Variants in RIMS2 observed in about 807,000 individuals in gnomAD.
RIMS2 encodes regulating synaptic membrane exocytosis protein 2.
RIMS2 carries 59 observed loss-of-function variants against 174.4 expected under a neutral mutation model. That is an observed-to-expected ratio of 0.34 (90% CI 0.27 to 0.42). The LOEUF (loss-of-function observed/expected upper bound fraction) is 0.42, where lower values mean the gene tolerates loss of function less well. Among genes scored for constraint, RIMS2 ranks in the 10% least tolerant of loss-of-function variants. RIMS2 has a pLI of 1.00. For synonymous variants in RIMS2, 606 were observed against 572.5 expected, an observed-to-expected ratio of 1.06 and a Z score of -0.84; for missense variants, 1,620 against 1,666.3, an observed-to-expected ratio of 0.97 and a Z score of 0.48.
chr8:104,119,698 A>G (rs931401876), intron 19 of RIMS2, among the ~76,000 whole-genome samples: 3 of 152,172 alleles, frequency 2.0e-5, no homozygotes, highest in African/African-American at 4.8e-5. Context: ...TGTATTGTCA[A>G]CTTCTACCCA....
chr8:103,740,936 A>AT lies in RIMS2; in HGVS notation c.388-25285dup, dbSNP rs753605160. On this transcript the variant is annotated intron_variant, in intron 2 of 23. Transcript: ENST00000504942. The stretch of plus-strand genomic sequence containing the variant: ...ACAGCAGTTTATCCACATGTAATAT[A>AT]TTTTTTGCTAGAATTTTTAAAAAGA... Among the ~76,000 whole-genome samples, 45 of 152,132 alleles carry AT rather than the reference A, an allele frequency of 3.0e-4. No individual in the cohort carries two copies. The East Asian group carries it at 3.9e-3, about 13-fold the overall frequency.
chr8:103,619,079 C>A, intron 1 of RIMS2, among the ~76,000 whole-genome samples: 1 of 136,676 alleles, frequency 7.3e-6, no homozygotes, highest in Non-Finnish European at 1.5e-5. Flanking sequence ...GAGTCAATAA[C>A]TTCACTTTTT....
intron 10 of RIMS2, among the ~76,000 whole-genome samples, chr8:103,926,747 A>G (rs989862411): frequency 1.3e-5 from 2 of 151,526 alleles, no homozygotes; most frequent in African/African-American, 4.8e-5. Flanking sequence ...GCAGAATTAA[A>G]TGCCTTGAAA....
At chr8:104,171,285 G>A (rs2098830642) in intron 19 of RIMS2, among the ~76,000 whole-genome samples, 1 of 148,992 alleles carries the variant, frequency 6.7e-6, no homozygotes, top group Non-Finnish European at 1.5e-5. Context: ...TTATTCTTAG[G>A]CTTAGCTGTT....
chr8:104,078,371 G>C (rs77892261), intron 19 of RIMS2, among the ~76,000 whole-genome samples: 3,142 of 152,248 alleles, frequency 0.021, 47 homozygotes, highest in Middle Eastern at 0.11. Flanking sequence ...AGTTTTGGAG[G>C]CTAGAACTTT....
chr8:103,607,249 C>T (rs1281391347), intron 1 of RIMS2, among the ~76,000 whole-genome samples: 1 of 151,958 alleles, frequency 6.6e-6, no homozygotes, highest in Non-Finnish European at 1.5e-5. Context: ...TTTATTTCTC[C>T]TTCACTTATG....
chr8:104,143,565 C>T (rs969537007), intron 19 of RIMS2, among the ~76,000 whole-genome samples: 1 of 152,140 alleles, frequency 6.6e-6, no homozygotes, highest in Non-Finnish European at 1.5e-5. Context: ...AGGAAGTAAG[C>T]CTTTCAAGAT....
At chr8:104,218,648 A>G (rs2099141975) in intron 19 of RIMS2, among the ~76,000 whole-genome samples, 2 of 152,166 alleles carry the variant, frequency 1.3e-5, no homozygotes, top group Admixed American at 1.3e-4. Context: ...GGAGACAGTG[A>G]CAGATCATCA....
intron 1 of RIMS2, among the ~76,000 whole-genome samples, chr8:103,685,346 G>T (rs2096928894): frequency 6.6e-6 from 1 of 151,996 alleles, no homozygotes; most frequent in African/African-American, 2.4e-5. Flanking sequence ...GCAGGGAGTA[G>T]TCCCAAACTT....
chr8:104,237,044 A>T lies in RIMS2; in HGVS notation c.3335-7872A>T, dbSNP rs182987047. 9.7e-3 allele frequency among the ~76,000 whole-genome samples: 1,481 copies of T among 152,258 alleles called. 8 individuals carry two copies. Among genetic ancestry groups the T allele is most frequent in the Non-Finnish European group, 0.015 (994 of 68,006 alleles). ...CTATTCTAAAATCAAATATTTATTT[A>T]AAATTATTTCAGTGTGTTTTAAATG... On this transcript the variant is annotated intron_variant, in intron 19 of 23. Transcript: ENST00000504942.
chr8:103,611,020 A>T (rs1238598606), intron 1 of RIMS2, among the ~76,000 whole-genome samples: 1 of 152,160 alleles, frequency 6.6e-6, no homozygotes, highest in Non-Finnish European at 1.5e-5. Context: ...CGGCCTGTTC[A>T]GGGATTCAAT....
intron 22 of RIMS2, among the ~76,000 whole-genome samples, chr8:104,250,701 G>A (rs1177650636): frequency 1.3e-5 from 2 of 152,160 alleles, no homozygotes; most frequent in African/African-American, 2.4e-5. Flanking sequence ...ATAGATTTAA[G>A]TATTGATAAA....
chr8:103,639,615 A>T (rs571375088), intron 1 of RIMS2, among the ~76,000 whole-genome samples: 3 of 151,938 alleles, frequency 2.0e-5, no homozygotes, highest in African/African-American at 7.2e-5. Flanking sequence ...TGCTGTTCAT[A>T]TCAGTAGTTT....
chr8:103,507,275 A>G (rs575066036), intron 1 of RIMS2, among the ~76,000 whole-genome samples: 2 of 152,180 alleles, frequency 1.3e-5, no homozygotes, highest in Admixed American at 6.5e-5. Context: ...CTTTATAACA[A>G]TACCTTTTAT....
chr8:104,108,027 A>G (rs558271629), intron 19 of RIMS2, among the ~76,000 whole-genome samples: 99 of 149,552 alleles, frequency 6.6e-4, no homozygotes, highest in African/African-American at 2.4e-3. Flanking sequence ...TTACTTCATA[A>G]TAATGTATTT....
At chr8:103,571,289 A>C (rs1215932856) in intron 1 of RIMS2, among the ~76,000 whole-genome samples, 3 of 152,214 alleles carry the variant, frequency 2.0e-5, no homozygotes, top group Non-Finnish European at 4.4e-5. Flanking sequence ...ATCCCCTAAT[A>C]TACAACATTC....
intron 16 of RIMS2, among the ~76,000 whole-genome samples, chr8:103,986,190 C>T (rs920513105): frequency 6.6e-6 from 1 of 151,998 alleles, no homozygotes; most frequent in African/African-American, 2.4e-5. Context: ...ATCATGTATA[C>T]CATAAATATG....
Position 103,547,618 on chromosome 8 carries a change from A to T in RIMS2, c.176+46556A>T, listed in dbSNP as rs535384553. On this transcript the variant is annotated intron_variant, in intron 1 of 23. Transcript: ENST00000504942. ...AGAGGAACTAGAGAAACAAGAGCAA[A>T]CCAACCCCAAAGCCAGTAGAAGACA... Among the ~76,000 whole-genome samples, 32 of 152,274 alleles carry T rather than the reference A, an allele frequency of 2.1e-4. 1 individual carries two copies. In the South Asian group the frequency reaches 2.3e-3, roughly 11 times the overall value.
chr8:103,551,082 TC>T (rs879064380), intron 1 of RIMS2, among the ~76,000 whole-genome samples: 1 of 152,146 alleles, frequency 6.6e-6, no homozygotes, highest in Non-Finnish European at 1.5e-5. Context: ...GAGGGACTCC[TC>T]CCGAACTCAT....
Sources: allele counts gnomAD v4.1 joint callset (sites outside exome capture counted in the v4.1 genomes callset), GRCh38; gene constraint gnomAD v4.1.1; transcripts MANE v1.5; gene names NCBI Gene and HGNC (gene_info 2026-07-23, HGNC 2026-07-21).